Variants in USP3 observed in about 807,000 individuals in gnomAD.
The protein encoded by USP3 is ubiquitin specific peptidase 3.
In USP3, 20 loss-of-function variants were observed where a neutral mutation model predicts 72.3. That is an observed-to-expected ratio of 0.28 (90% CI 0.19 to 0.40). The LOEUF is 0.40. USP3 is among the 10% of genes least tolerant of loss of function. The pLI is 1.00. For synonymous variants in USP3, 222 were observed against 225.3 expected (o/e 0.99, Z 0.13); for missense variants, 479 against 633.9 (o/e 0.76, Z 2.62).
intron 3 of USP3, among the ~76,000 whole-genome samples, chr15:63,549,743 A>G (rs1397254096): frequency 6.6e-6 from 1 of 152,176 alleles, no homozygotes; most frequent in African/African-American, 2.4e-5. Flanking sequence ...ATGCATTGTG[A>G]TATAGGGGTA....
rs1435808256 is a variant in USP3 at position 63,594,549 on chromosome 15, T to TA, written c.*3723_*3724insA. 5 of 152,242 alleles carry TA rather than the reference T, an allele frequency of 3.3e-5. No homozygotes were observed. Among genetic ancestry groups the TA allele is most frequent in the African/African-American group, 1.2e-4 (5 of 41,450 alleles). 9.4% of individuals were successfully genotyped at this position (152,242 alleles called of 1,614,324 possible). A position where few individuals can be genotyped will look rare whatever the true frequency, so the allele number is the denominator to read the frequency against. On this transcript the variant is annotated 3_prime_UTR_variant, in exon 15 of 15. Coordinates refer to ENST00000380324, the MANE Select transcript of USP3 (RefSeq NM_006537.4). ...GAGGATTAATTGTGCAAGTGACTGA[T>TA]TCATTTAAATTGTAATCACATCCCT...
At position 63,553,126 on chromosome 15, in the gene USP3, A is replaced by C. The variant is rs1397550770; in HGVS notation, c.285-589A>C. Among the ~76,000 whole-genome samples, 2 of 152,270 alleles carry C rather than the reference A, an allele frequency of 1.3e-5. No homozygotes were observed. The highest frequency in any genetic ancestry group is 1.3e-4 in the Admixed American group (2 of 15,280). On this transcript the variant is annotated intron_variant, in intron 3 of 14. Transcript: ENST00000380324. This position sits in a 1 kb window ranked among gnomAD's most constrained non-coding sequence, Gnocchi z 4.2. ...CACTTATCAGTTGCCTGAATGATAT[A>C]GCCACTATTTTATACTTTTGTTTTG...
At position 63,537,137 on chromosome 15, in the gene USP3, A is replaced by G; in HGVS notation, c.265A>G (p.Ser89Gly). 1 of 1,613,888 alleles carries G rather than the reference A, an allele frequency of 6.2e-7. No homozygotes were observed. The highest frequency in any genetic ancestry group is 8.5e-7 in the Non-Finnish European group (1 of 1,179,914). The change falls in exon 3 of 15, where the codon AGT (serine) becomes GGT (glycine). Residue 89 changes from serine to glycine, a missense_variant. Transcript: ENST00000380324. ...TCAGCACACAGTATGTATGGATTGCAGTAGCTACAGTACATACTGGTAAGT... is the reference window on the plus strand; with the variant it reads ...TCAGCACACAGTATGTATGGATTGCGGTAGCTACAGTACATACTGGTAAGT... The part of the protein sequence containing the change: ...KVQHTVCMDC[S>G]SYSTYCYRCD...
chr15:63,563,321 A>G (rs1031512580), intron 8 of USP3, among the ~76,000 whole-genome samples: 1 of 152,246 alleles, frequency 6.6e-6, no homozygotes, highest in African/African-American at 2.4e-5. Flanking sequence ...TTCTTTCACA[A>G]TGTAGAATAA....
intron 11 of USP3, among the ~76,000 whole-genome samples, chr15:63,587,069 T>TCTGTACACAGCTAG (rs1277477660): frequency 6.6e-6 from 1 of 152,178 alleles, no homozygotes; most frequent in Non-Finnish European, 1.5e-5. Context: ...AGAGCGCTTT[T>TCTGTACACAGCTAG]CTGTACACAG....
Position 63,570,531 on chromosome 15 carries a change from C to T in USP3, c.860C>T (p.Ala287Val), listed in dbSNP as rs1231122222. 1.2e-6 allele frequency: 2 copies of T among 1,614,064 alleles called. No individual in the cohort carries two copies. Among genetic ancestry groups the T allele is most frequent in the Middle Eastern group, 1.6e-4 (1 of 6,084 alleles). Residue 287 changes from alanine (A) to valine (V), a missense_variant, in exon 9 of 15, where the codon GCA (alanine) becomes GTA (valine). By Grantham distance (64) the Ala-to-Val change is moderately conservative (BLOSUM62 0). Transcript: ENST00000380324. The surrounding 1 kb of genome is among the most constrained non-coding windows in gnomAD (Gnocchi z 4.4). ...GGTTTCAACGGTGTTTCCCGCTCAGCAATTCTGCAGGAGAATTCTACTCTG... is the reference window on the plus strand; with the variant it reads ...GGTTTCAACGGTGTTTCCCGCTCAGTAATTCTGCAGGAGAATTCTACTCTG... Reference protein sequence around the residue: ...QGGFNGVSRSAILQENSTLSA... With the variant: ...QGGFNGVSRSVILQENSTLSA...
intron 14 of USP3, among the ~76,000 whole-genome samples, chr15:63,590,439 T>C (rs1481710859): frequency 2.0e-5 from 3 of 152,218 alleles, no homozygotes; most frequent in Non-Finnish European, 4.4e-5. Context: ...GAGTTCCTCA[T>C]CTCTGTTTTC....
At chr15:63,519,045 G>GT (rs1401928969) in intron 1 of USP3, among the ~76,000 whole-genome samples, 1 of 152,198 alleles carries the variant, frequency 6.6e-6, no homozygotes, top group African/African-American at 2.4e-5. Context: ...GATTACAAGC[G>GT]TGAGCCACCG....
chr15:63,575,194 A>T, intron 11 of USP3, among the ~76,000 whole-genome samples: 1 of 141,720 alleles, frequency 7.1e-6, no homozygotes, highest in Non-Finnish European at 1.5e-5. Context: ...AACAAACTGC[A>T]CTGTCCAATA....
intron 11 of USP3, among the ~76,000 whole-genome samples, chr15:63,577,287 T>C (rs1359283038): frequency 6.6e-6 from 1 of 152,204 alleles, no homozygotes; most frequent in African/African-American, 2.4e-5. Context: ...ATAGGACTGA[T>C]TTAATACTAG....
intron 1 of USP3, among the ~76,000 whole-genome samples, chr15:63,520,920 A>G (rs1341379800): frequency 2.0e-5 from 3 of 152,058 alleles, no homozygotes; most frequent in African/African-American, 4.8e-5. Context: ...TTTTGAGTAT[A>G]TAAAACATTA....
intron 3 of USP3, among the ~76,000 whole-genome samples, chr15:63,548,859 A>G (rs193007358): frequency 3.3e-5 from 5 of 152,276 alleles, no homozygotes; most frequent in Admixed American, 3.3e-4. Context: ...ACGCCCGACT[A>G]TAAAATTGAG....
intron 3 of USP3, chr15:63,551,207 T>C (rs2066431519): frequency 6.6e-6 from 1 of 152,174 alleles, no homozygotes; most frequent in African/African-American, 2.4e-5. Context: ...TTTATTATCT[T>C]AAAACTCTTT....
At chr15:63,536,937 G>C in intron 2 of USP3, 88 bp from the exon 3 acceptor site, 1 of 1,350,464 alleles carries the variant, frequency 7.4e-7, no homozygotes, top group Admixed American at 2.5e-5. Flanking sequence ...TCTTTATTTT[G>C]ATTTGATTAA....
intron 3 of USP3, among the ~76,000 whole-genome samples, chr15:63,540,294 A>AGCTG (rs2066225255): frequency 6.6e-6 from 1 of 152,160 alleles, no homozygotes; most frequent in African/African-American, 2.4e-5. Flanking sequence ...CTCCAGTTGT[A>AGCTG]GCTGAATGTA....
In USP3 at chr15:63,528,608, G is replaced by A. The variant is rs553866945; in HGVS notation, c.92-4039G>A. Among the ~76,000 whole-genome samples the A allele has an allele frequency of 7.9e-4, 121 of 152,212 alleles. No homozygotes were observed. Among genetic ancestry groups the A allele is most frequent in the African/African-American group, 2.9e-3 (120 of 41,532 alleles). ...TATGTGTGTGTATATGAGTATTTCA[G>A]CTATATTATGTTTCATTTAGGGCTT... On this transcript the variant is annotated intron_variant, in intron 1 of 14. Transcript: ENST00000380324. The surrounding 1 kb of genome is among the most constrained non-coding windows in gnomAD (Gnocchi z 4.3).
intron 3 of USP3, chr15:63,542,112 T>C (rs1434252305): frequency 1.0e-6 from 1 of 984,946 alleles, no homozygotes; most frequent in Non-Finnish European, 1.2e-6. Context: ...GGACATGATG[T>C]GGAAGTCATG....
chr15:63,552,726 TTCTC>T (rs888843605), intron 3 of USP3, among the ~76,000 whole-genome samples: 5 of 152,014 alleles, frequency 3.3e-5, no homozygotes, highest in Admixed American at 6.5e-5. Context: ...CCCCACCCCT[TTCTC>T]TCTCTTTCTT....
chr15:63,538,478 C>T (rs1027176955), intron 3 of USP3, among the ~76,000 whole-genome samples: 6 of 151,412 alleles, frequency 4.0e-5, no homozygotes, highest in Non-Finnish European at 5.9e-5. Flanking sequence ...TGTCCTTAGT[C>T]GATAATTGTA....
Sources: gnomAD v4.1 joint callset for allele counts (sites outside exome capture counted in the v4.1 genomes callset) on GRCh38, gnomAD v4.1.1 for gene constraint, Gnocchi (gnomAD v3.1) non-coding constraint, MANE v1.5 for transcripts, NCBI Gene and HGNC (gene_info 2026-07-23, HGNC 2026-07-21) for gene names.